The following OLFM3 variants were observed in gnomAD, a reference collection of about 807,000 sequenced individuals.
OLFM3 encodes olfactomedin 3, also known as noelin-3.
OLFM3 carries 20 observed loss-of-function variants against 48.6 expected under a neutral mutation model. The ratio of observed to expected loss-of-function variants is 0.41; its 90% CI spans 0.29 to 0.60. OLFM3 has a LOEUF of 0.60. Among genes scored for constraint, OLFM3 ranks in the 20% least tolerant of loss-of-function variants. The pLI is 0.28. For synonymous variants in OLFM3, 222 were observed against 198.1 expected (o/e 1.12, Z -1.01); for missense variants, 437 against 544.3 (o/e 0.80, Z 1.96).
chr1:101,967,590 G>GAAAAAAAAACAAAAAAAAAAAA (rs1660650483), intron 1 of OLFM3, among the ~76,000 whole-genome samples: 1 of 44,570 alleles, frequency 2.2e-5, no homozygotes, highest in Non-Finnish European at 3.6e-5. Flanking sequence ...CCTAGTCAGT[G>GAAAAAAAAACAAAAAAAAAAAA]AAAAAAAAAA....
chr1:101,990,989 T>TAAAAAAA lies in OLFM3; in HGVS notation c.69+5752_69+5758dup, dbSNP rs58481588. ...GACAGAGCGAGACTCTGTCAAAAAG[T>TAAAAAAA]AAAAAAAAAAAAAAAAAAAAAAAAA... On this transcript the variant is annotated intron_variant, in intron 1 of 5. Transcript: ENST00000370103. 5.4e-3 allele frequency among the ~76,000 whole-genome samples: 48 copies of TAAAAAAA among 8,908 alleles called. 2 individuals carry two copies. Among genetic ancestry groups the TAAAAAAA allele is most frequent in the South Asian group, 0.022 (2 of 92 alleles). The allele number at this position is 8,908 out of a possible 152,430, so 5.8% of individuals were successfully genotyped here.
intron 1 of OLFM3, among the ~76,000 whole-genome samples, chr1:101,880,171 TAC>T: frequency 6.6e-6 from 1 of 151,992 alleles, no homozygotes; most frequent in East Asian, 1.9e-4. Flanking sequence ...TTATTTTAAA[TAC>T]AGAGAATGAA....
chr1:101,986,058 C>T (rs1021070336), intron 1 of OLFM3, among the ~76,000 whole-genome samples: 10 of 151,688 alleles, frequency 6.6e-5, no homozygotes, highest in Middle Eastern at 6.8e-3. Flanking sequence ...CTCCGCCTCC[C>T]GGGTTCACGC....
chr1:101,856,503 T>TA (rs1656414604), intron 1 of OLFM3, among the ~76,000 whole-genome samples: 1 of 152,012 alleles, frequency 6.6e-6, no homozygotes, highest in Non-Finnish European at 1.5e-5. Context: ...ACCAGTGACT[T>TA]ACGTCTGAAC....
chr1:101,948,216 T>A (rs1164297810), intron 1 of OLFM3, among the ~76,000 whole-genome samples: 1 of 152,190 alleles, frequency 6.6e-6, no homozygotes, highest in Non-Finnish European at 1.5e-5. Flanking sequence ...GTCAGTTCTG[T>A]CCCTTATTGT....
chr1:101,965,570 A>G (rs1660586854), intron 1 of OLFM3, among the ~76,000 whole-genome samples: 1 of 152,186 alleles, frequency 6.6e-6, no homozygotes. Context: ...GTCTTTATGT[A>G]GAGTTTAGAG....
intron 1 of OLFM3, among the ~76,000 whole-genome samples, chr1:101,972,345 TA>T (rs1660828447): frequency 6.6e-6 from 1 of 152,222 alleles, no homozygotes; most frequent in African/African-American, 2.4e-5. Flanking sequence ...CTATTTTTCA[TA>T]CATTTCAGTG....
In OLFM3 at chr1:101,967,590, G is replaced by GAA. The variant is rs71592233; in HGVS notation, c.69+29156_69+29157dup. ...CCTTTTTACTTCCATCCTAGTCAGTGAAAAAAAAAAAAAAAAAAAAAAAAG... is the reference window on the plus strand; with the variant it reads ...CCTTTTTACTTCCATCCTAGTCAGTGAAAAAAAAAAAAAAAAAAAAAAAAAAG... On this transcript the variant is annotated intron_variant, in intron 1 of 5. Coordinates refer to ENST00000370103, the MANE Select transcript of OLFM3 (RefSeq NM_058170.4). 2.9e-3 allele frequency among the ~76,000 whole-genome samples: 127 copies of GAA among 44,548 alleles called. 11 individuals are homozygous for GAA. Among genetic ancestry groups the GAA allele is most frequent in the African/African-American group, 4.2e-3 (39 of 9,236 alleles). The allele number at this position is 44,548 out of a possible 152,430, so 29.2% of individuals were successfully genotyped here.
intron 1 of OLFM3, among the ~76,000 whole-genome samples, chr1:101,970,909 T>C (rs1660765628): frequency 6.6e-6 from 1 of 151,792 alleles, no homozygotes; most frequent in South Asian, 2.1e-4. Flanking sequence ...AAAAATCATG[T>C]TTTGAATGTT....
intron 4 of OLFM3, among the ~76,000 whole-genome samples, chr1:101,810,002 G>T (rs1653971355): frequency 6.6e-6 from 1 of 151,888 alleles, no homozygotes; most frequent in Non-Finnish European, 1.5e-5. Context: ...AAGCCAAAAT[G>T]TTTCCAACCA....
At position 101,824,694 on chromosome 1, in the gene OLFM3, TC is replaced by T. The variant is rs1309123290; in HGVS notation, c.592+331del. ...ACAACAACAACAACAAAAAACAGTTTCTTTTTCCACTAGCCAAGCAATGACT... is the reference window on the plus strand; with the variant it reads ...ACAACAACAACAACAAAAAACAGTTTTTTTTCCACTAGCCAAGCAATGACT... On this transcript the variant is annotated intron_variant, in intron 4 of 5. Transcript: ENST00000370103. Among the ~76,000 whole-genome samples the T allele has an allele frequency of 9.5e-4, 144 of 152,092 alleles. 1 individual carries two copies. The highest frequency in any genetic ancestry group is 5.8e-4 in the East Asian group (3 of 5,178).
At chr1:101,875,667 T>G (rs937473546) in intron 1 of OLFM3, among the ~76,000 whole-genome samples, 2 of 142,524 alleles carry the variant, frequency 1.4e-5, no homozygotes, top group African/African-American at 5.2e-5. Context: ...TTTATAAAAG[T>G]GTCATTTCCA....
intron 1 of OLFM3, among the ~76,000 whole-genome samples, chr1:101,911,348 T>C (rs894967971): frequency 4.6e-5 from 7 of 152,086 alleles, no homozygotes; most frequent in African/African-American, 7.2e-5. Context: ...AAAAGCAACA[T>C]TCAAATTTAG....
chr1:101,935,835 T>A (rs1481465714), intron 1 of OLFM3, among the ~76,000 whole-genome samples: 2 of 152,160 alleles, frequency 1.3e-5, no homozygotes, highest in Non-Finnish European at 2.9e-5. Flanking sequence ...AATCCATAAA[T>A]GTGATTCATC....
At chr1:101,970,465 T>A (rs1660750050) in intron 1 of OLFM3, among the ~76,000 whole-genome samples, 1 of 152,254 alleles carries the variant, frequency 6.6e-6, no homozygotes. Context: ...GAATTAATTC[T>A]TTTCTTTCTC....
intron 1 of OLFM3, among the ~76,000 whole-genome samples, chr1:101,931,183 A>G (rs920540320): frequency 6.6e-6 from 1 of 152,202 alleles, no homozygotes; most frequent in Non-Finnish European, 1.5e-5. Context: ...ATAAGCTCTC[A>G]TGACCTCACC....
At chr1:101,812,139 A>G (rs376271092) in intron 4 of OLFM3, among the ~76,000 whole-genome samples, 2,708 of 152,088 alleles carry the variant, frequency 0.018, 37 homozygotes, top group Middle Eastern at 0.031. Flanking sequence ...GAACAATGAG[A>G]ACACTTGGAC....
chr1:101,906,793 C>G (rs562105985), intron 1 of OLFM3, among the ~76,000 whole-genome samples: 23 of 152,140 alleles, frequency 1.5e-4, no homozygotes, highest in Non-Finnish European at 2.5e-4. Context: ...GGACTATCAT[C>G]ATCAGTGACC....
intron 1 of OLFM3, among the ~76,000 whole-genome samples, chr1:101,952,771 G>A (rs1660181682): frequency 6.6e-6 from 1 of 151,728 alleles, no homozygotes; most frequent in Non-Finnish European, 1.5e-5. Flanking sequence ...AAAGGCTTTG[G>A]AGCTAACAGT....
Sources: gnomAD v4.1 joint callset for allele counts (sites outside exome capture counted in the v4.1 genomes callset) on GRCh38, gnomAD v4.1.1 for gene constraint, MANE v1.5 for transcripts, NCBI Gene and HGNC (gene_info 2026-07-23, HGNC 2026-07-21) for gene names.